GFM1: variants seen among roughly 807,000 people sequenced by gnomAD.
GFM1 encodes the protein G elongation factor mitochondrial 1, also known as elongation factor G, mitochondrial.
A neutral mutation model predicts 96.2 loss-of-function variants in GFM1; 62 were observed. That is an observed-to-expected ratio of 0.64 (90% CI 0.53 to 0.80). The LOEUF is 0.80. Ranked by LOEUF, GFM1 falls within the 30% of genes least tolerant of loss-of-function variation. GFM1 has a pLI of 0.00. For synonymous variants in GFM1, 282 were observed against 312.9 expected (o/e 0.90, Z 1.04); for missense variants, 852 against 916.6 (o/e 0.93, Z 0.91).
chr3:158,658,409 C>T (rs1325324172), intron 8 of GFM1, among the ~76,000 whole-genome samples: 1 of 152,116 alleles, frequency 6.6e-6, no homozygotes, highest in Non-Finnish European at 1.5e-5. Flanking sequence ...AGGTGATCCG[C>T]TCGCCTCTGC....
intron 13 of GFM1, among the ~76,000 whole-genome samples, chr3:158,679,493 T>C (rs994982316): frequency 1.3e-5 from 2 of 152,222 alleles, no homozygotes; most frequent in Non-Finnish European, 2.9e-5. Context: ...CTAAGTAGCT[T>C]TTAAAAAAAT....
chr3:158,677,760 C>T (rs564214296), intron 13 of GFM1, among the ~76,000 whole-genome samples: 3 of 152,186 alleles, frequency 2.0e-5, no homozygotes, highest in Non-Finnish European at 4.4e-5. Context: ...CCTCGGCCTC[C>T]CAAAGTGCTG....
chr3:158,691,119 T>C lies in GFM1; in HGVS notation c.2071-20T>C, dbSNP rs531105833. The C allele has an allele frequency of 3.6e-4, 558 of 1,567,558 alleles. 7 individuals carry two copies. In the South Asian group the frequency reaches 5.7e-3, roughly 16 times the overall value. On this transcript the variant is annotated intron_variant, in intron 16 of 17. Transcript: ENST00000486715. ...TTTTCCAATAAGCAGTGCTAAAATA[T>C]CTACTATGTTTGTTTTCAGGTCCCT... is the stretch of plus-strand genomic sequence containing the variant.
At chr3:158,686,660 AG>A (rs1725880657) in intron 15 of GFM1, among the ~76,000 whole-genome samples, 1 of 149,798 alleles carries the variant, frequency 6.7e-6, no homozygotes, top group Non-Finnish European at 1.5e-5. Context: ...TATATTATTA[AG>A]TATAATTAAT....
chr3:158,673,794 A>G (rs1724611493), intron 13 of GFM1, among the ~76,000 whole-genome samples: 1 of 151,786 alleles, frequency 6.6e-6, no homozygotes, highest in South Asian at 2.1e-4. Context: ...ATAAGCCACC[A>G]TGCCTGGCCA....
Position 158,646,190 on chromosome 3 carries a change from C to T in GFM1, c.260C>T (p.Ala87Val). 1 of 1,614,042 alleles carries T rather than the reference C, an allele frequency of 6.2e-7. No individual in the cohort carries two copies. Among genetic ancestry groups the T allele is most frequent in the East Asian group, 2.2e-5 (1 of 44,874 alleles). ...HEVKGKDGVGAVMDSMELERQ... is the reference protein window; with the variant it reads ...HEVKGKDGVGVVMDSMELERQ... The stretch of plus-strand genomic sequence containing the variant: ...GTGAAAGGTAAAGATGGAGTTGGTG[C>T]TGTCATGGATTCCATGGAACTAGAG... The change falls in exon 3 of 18, where the codon GCT becomes GTT. Residue 87 changes from alanine (A) to valine (V), a missense_variant. Coordinates refer to ENST00000486715, the MANE Select transcript of GFM1 (RefSeq NM_024996.7).
At chr3:158,687,864 A>G (rs1267287172) in intron 15 of GFM1, among the ~76,000 whole-genome samples, 2 of 152,142 alleles carry the variant, frequency 1.3e-5, no homozygotes, top group Non-Finnish European at 2.9e-5. Flanking sequence ...ATCCTGATTA[A>G]AAAAAGACAA....
intron 13 of GFM1, chr3:158,672,419 G>A (rs755807694): frequency 5.0e-6 from 8 of 1,614,114 alleles, no homozygotes; most frequent in South Asian, 2.2e-5. Context: ...GGTAGTTGAT[G>A]TAGTTCTGTG....
At chr3:158,668,975 T>C in intron 13 of GFM1, 3 of 1,572,014 alleles carry the variant, frequency 1.9e-6, no homozygotes, top group Non-Finnish European at 2.6e-6. Context: ...ATTAATAGTG[T>C]ATTTTATAGA....
At position 158,693,795 on chromosome 3, in the gene GFM1, G is replaced by T. The variant is rs1468266557; in HGVS notation, c.*2328G>T. ...AAAATCACTGGGGGAGCCTTAAAAA[G>T]AAATACCTAGGCCTACACCCAGATA... is the stretch of plus-strand genomic sequence containing the variant. On this transcript the variant is annotated 3_prime_UTR_variant, in exon 18 of 18. Transcript: ENST00000486715. 6.6e-6 allele frequency: 1 copy of T among 152,106 alleles called. No homozygotes were observed. Among genetic ancestry groups the T allele is most frequent in the Non-Finnish European group, 1.5e-5 (1 of 68,010 alleles). 9.4% of individuals were successfully genotyped at this position (152,106 alleles called of 1,614,324 possible).
chr3:158,666,924 TAG>T, intron 13 of GFM1: 1 of 1,524,968 alleles, frequency 6.6e-7, no homozygotes, highest in Admixed American at 2.4e-5. Context: ...AATTCTGATT[TAG>T]AGTCAAAATT....
chr3:158,651,664 G>C (rs946631756), intron 5 of GFM1, among the ~76,000 whole-genome samples: 1 of 152,174 alleles, frequency 6.6e-6, no homozygotes, highest in Non-Finnish European at 1.5e-5. Context: ...GTGATACTTT[G>C]TCAAGTCATT....
At chr3:158,680,977 T>C (rs1281454183) in intron 13 of GFM1, among the ~76,000 whole-genome samples, 4 of 152,202 alleles carry the variant, frequency 2.6e-5, no homozygotes, top group Admixed American at 1.3e-4. Flanking sequence ...TATGTTTGTA[T>C]AGATGTTATA....
At chr3:158,689,354 T>G (rs1009675592) in intron 15 of GFM1, among the ~76,000 whole-genome samples, 1 of 152,112 alleles carries the variant, frequency 6.6e-6, no homozygotes, top group African/African-American at 2.4e-5. Context: ...ATATAGCTTC[T>G]TTGAGGTAGA....
Position 158,649,085 on chromosome 3 carries a change from GT to G in GFM1, c.620del (p.Leu207TrpfsTer9). The part of the protein sequence containing the change: ...HNAAFMQIPM[G>X]LEGNFKGIVD... The stretch of plus-strand genomic sequence containing the variant: ...GCAGCGTTTATGCAGATACCCATGG[GT>G]TTGGAGGGTAATTTTAAAGGTATTG... On this transcript the variant is annotated frameshift_variant, in exon 5 of 18. Coordinates refer to ENST00000486715, the MANE Select transcript of GFM1 (RefSeq NM_024996.7). LOFTEE classifies it high-confidence loss of function. The G allele has an allele frequency of 6.3e-7, 1 of 1,575,578 alleles. No homozygotes were observed. The highest frequency in any genetic ancestry group is 8.7e-7 in the Non-Finnish European group (1 of 1,145,278).
intron 13 of GFM1, among the ~76,000 whole-genome samples, chr3:158,676,485 ACT>A (rs997344624): frequency 1.3e-5 from 2 of 152,146 alleles, no homozygotes; most frequent in African/African-American, 4.8e-5. Flanking sequence ...TGATATATAT[ACT>A]GTTTTATTTA....
intron 13 of GFM1, among the ~76,000 whole-genome samples, chr3:158,676,258 C>A (rs941257972): frequency 8.5e-5 from 13 of 152,184 alleles, no homozygotes; most frequent in African/African-American, 3.1e-4. Context: ...AAGAACCAGA[C>A]CCTGTCTCAA....
At chr3:158,657,450 T>G (rs1722858363) in intron 8 of GFM1, 1 of 152,204 alleles carries the variant, frequency 6.6e-6, no homozygotes, top group South Asian at 2.1e-4. Flanking sequence ...AAATCATTAC[T>G]GATTTAACAA....
chr3:158,689,062 A>G (rs1469610645), intron 15 of GFM1, among the ~76,000 whole-genome samples: 1 of 152,190 alleles, frequency 6.6e-6, no homozygotes, highest in Non-Finnish European at 1.5e-5. Context: ...GAAAGCCTTT[A>G]TTTGGAGATA....
Sources: gnomAD v4.1 joint callset for allele counts (sites outside exome capture counted in the v4.1 genomes callset) on GRCh38, gnomAD v4.1.1 for gene constraint, MANE v1.5 for transcripts, NCBI Gene and HGNC (gene_info 2026-07-23, HGNC 2026-07-21) for gene names.